The following SDK1 variants were observed in gnomAD, a reference collection of about 807,000 sequenced individuals.
SDK1 encodes the protein protein sidekick-1.
SDK1 carries 157 observed loss-of-function variants against 245.5 expected under a neutral mutation model. The observed-to-expected ratio is 0.64, with a 90% CI of 0.56 to 0.73. The LOEUF is 0.73. Ranked by LOEUF, SDK1 falls within the 30% of genes least tolerant of loss-of-function variation. SDK1 has a pLI of 0.00. For synonymous variants in SDK1, 1,647 were observed against 1,278.5 expected (o/e 1.29, Z -6.15); for missense variants, 3,583 against 3,002.3 (o/e 1.19, Z -4.52).
rs997714577 is a variant in SDK1 at position 4,266,807 on chromosome 7, A to G, written c.*1423A>G. 7 of 985,340 alleles carry G rather than the reference A, an allele frequency of 7.1e-6. No homozygotes were observed. The African/African-American group carries it at 1.2e-4, about 17-fold the overall frequency. 61.0% of individuals were successfully genotyped at this position (985,340 alleles called of 1,614,324 possible). ...TGGCGTGTGTGCCCCGGGTCCCTGT[A>G]AGTGCCCCCTCACCAGCAGCAGCGT... On this transcript the variant is annotated 3_prime_UTR_variant, in exon 45 of 45. Transcript: ENST00000404826.
intron 2 of SDK1, among the ~76,000 whole-genome samples, chr7:3,637,256 CCTG>C (rs1247228597): frequency 6.6e-6 from 1 of 152,084 alleles, no homozygotes; most frequent in Non-Finnish European, 1.5e-5. Context: ...TGCCACCACA[CCTG>C]CTAATTTTTG....
intron 14 of SDK1, among the ~76,000 whole-genome samples, chr7:3,990,605 C>T (rs1041340809): frequency 1.1e-4 from 16 of 152,148 alleles, no homozygotes; most frequent in Non-Finnish European, 2.2e-4. Flanking sequence ...AATTCTGGTT[C>T]GCATCCACCC....
At chr7:3,636,837 C>T (rs532822823) in intron 2 of SDK1, among the ~76,000 whole-genome samples, 1 of 152,252 alleles carries the variant, frequency 6.6e-6, no homozygotes, top group South Asian at 2.1e-4. Context: ...TCCACGTTGT[C>T]AGCAACATGT....
chr7:3,722,965 T>C (rs1370743757), intron 4 of SDK1, among the ~76,000 whole-genome samples: 1 of 152,228 alleles, frequency 6.6e-6, no homozygotes, highest in Middle Eastern at 3.2e-3. Flanking sequence ...TTGCTTTACA[T>C]GTTTTAAACT....
intron 1 of SDK1, among the ~76,000 whole-genome samples, chr7:3,332,964 G>A (rs991638139): frequency 6.6e-6 from 1 of 152,208 alleles, no homozygotes; most frequent in South Asian, 2.1e-4. Flanking sequence ...CCTGGGGAAC[G>A]AGCCTCTTTG....
At chr7:3,587,671 G>A (rs1399300156) in intron 1 of SDK1, among the ~76,000 whole-genome samples, 1 of 152,200 alleles carries the variant, frequency 6.6e-6, no homozygotes, top group African/African-American at 2.4e-5. Context: ...TTCAGATGCT[G>A]ATCTTCTCCG....
At chr7:3,544,217 A>G (rs2128621268) in intron 1 of SDK1, among the ~76,000 whole-genome samples, 1 of 152,354 alleles carries the variant, frequency 6.6e-6, no homozygotes, top group South Asian at 2.1e-4. Context: ...TTCACCTCCC[A>G]AAGACCATAT....
Position 4,026,843 on chromosome 7 carries a change from C to G in SDK1, c.2602+9491C>G, listed in dbSNP as rs908976785. Among the ~76,000 whole-genome samples the G allele has an allele frequency of 6.6e-6, 1 of 152,136 alleles. No homozygotes were observed. The highest frequency in any genetic ancestry group is 2.4e-5 in the African/African-American group (1 of 41,434). On this transcript the variant is annotated intron_variant, in intron 17 of 44. Transcript: ENST00000404826. The surrounding 1 kb of genome is among the most constrained non-coding windows in gnomAD (Gnocchi z 4.1). ...GGCACACAAACGGCAATATGTACAC[C>G]CACCCAGCGGTGTGCGGCCGGTGAC...
At chr7:3,520,520 G>A (rs1782902100) in intron 1 of SDK1, among the ~76,000 whole-genome samples, 2 of 152,182 alleles carry the variant, frequency 1.3e-5, no homozygotes, top group Admixed American at 1.3e-4. Flanking sequence ...ATAACAGGAT[G>A]TTTGGAAGTT....
chr7:4,102,735 C>G (rs1459393200), intron 22 of SDK1, among the ~76,000 whole-genome samples: 70 of 152,118 alleles, frequency 4.6e-4, no homozygotes, highest in Admixed American at 4.6e-3. Flanking sequence ...CACAAACAGA[C>G]CAAGCCTCCT....
chr7:3,566,136 C>T (rs1010303476), intron 1 of SDK1, among the ~76,000 whole-genome samples: 2 of 150,964 alleles, frequency 1.3e-5, no homozygotes, highest in South Asian at 2.1e-4. Context: ...TGGAGGTAGT[C>T]GTAAAAAGGT....
At chr7:3,971,370 G>A in intron 11 of SDK1, 96 bp from the exon 12 acceptor site, 1 of 788,352 alleles carries the variant, frequency 1.3e-6, no homozygotes, top group Admixed American at 2.0e-5. Flanking sequence ...AAAACTCGGA[G>A]GTTGTGATGT....
At chr7:3,909,168 C>T (rs1242766504) in intron 5 of SDK1, among the ~76,000 whole-genome samples, 2 of 152,152 alleles carry the variant, frequency 1.3e-5, no homozygotes, top group Non-Finnish European at 1.5e-5. Context: ...CAAGGCAGAC[C>T]ATCTTCAGAC....
chr7:3,926,275 T>G (rs1427602099), intron 5 of SDK1, among the ~76,000 whole-genome samples: 1 of 152,124 alleles, frequency 6.6e-6, no homozygotes, highest in Non-Finnish European at 1.5e-5. Context: ...ATGAAATCAC[T>G]GGGGCTGTCA....
chr7:3,645,478 A>G (rs1782803772), intron 4 of SDK1, among the ~76,000 whole-genome samples: 1 of 152,206 alleles, frequency 6.6e-6, no homozygotes, highest in Non-Finnish European at 1.5e-5. Context: ...CCACAAATTT[A>G]TACATCGTCC....
At chr7:3,456,380 G>C (rs1461641088) in intron 1 of SDK1, among the ~76,000 whole-genome samples, 1 of 152,070 alleles carries the variant, frequency 6.6e-6, no homozygotes, top group Non-Finnish European at 1.5e-5. Context: ...TGTATTACAG[G>C]CTCTGAGGTT....
At chr7:4,092,932 A>C (rs190260604) in intron 22 of SDK1, among the ~76,000 whole-genome samples, 5 of 152,170 alleles carry the variant, frequency 3.3e-5, no homozygotes, top group African/African-American at 1.2e-4. Flanking sequence ...CCTTTCATCT[A>C]CTTTTCAATT....
chr7:3,924,929 C>T (rs1779715973), intron 5 of SDK1, among the ~76,000 whole-genome samples: 1 of 152,166 alleles, frequency 6.6e-6, no homozygotes, highest in Admixed American at 6.5e-5. Flanking sequence ...ATAATGGCCA[C>T]TGTCATTTTC....
At chr7:4,101,217 C>T (rs376492668) in intron 22 of SDK1, among the ~76,000 whole-genome samples, 8 of 150,918 alleles carry the variant, frequency 5.3e-5, no homozygotes, top group African/African-American at 1.7e-4. Context: ...GGTGCGATCT[C>T]GGCAAGCTCC....
Sources: allele counts gnomAD v4.1 joint callset (sites outside exome capture counted in the v4.1 genomes callset), GRCh38; gene constraint gnomAD v4.1.1; non-coding constraint Gnocchi (gnomAD v3.1); transcripts MANE v1.5; gene names NCBI Gene and HGNC (gene_info 2026-07-23, HGNC 2026-07-21).